The following FMNL2 variants were observed in gnomAD, a reference collection of about 807,000 sequenced individuals.
FMNL2 encodes formin-like protein 2.
FMNL2 carries 51 observed loss-of-function variants against 130.2 expected under a neutral mutation model. The ratio of observed to expected loss-of-function variants is 0.39; its 90% CI spans 0.31 to 0.49. The LOEUF (loss-of-function observed/expected upper bound fraction) is 0.49, where lower values mean the gene tolerates loss of function less well. Among genes scored for constraint, FMNL2 ranks in the 20% least tolerant of loss-of-function variants. FMNL2 has a pLI of 0.85. For synonymous variants in FMNL2, 465 were observed against 467.1 expected (o/e 1.00, Z 0.06); for missense variants, 977 against 1,316.2 (o/e 0.74, Z 3.99).
chr2:152,646,833 T>C (rs1358176331), intron 25 of FMNL2, among the ~76,000 whole-genome samples: 2 of 152,260 alleles, frequency 1.3e-5, no homozygotes, highest in African/African-American at 4.8e-5. Flanking sequence ...TTTTTCACTA[T>C]GCCCTGACTT....
In FMNL2 at chr2:152,561,000, C is replaced by T; in HGVS notation, c.561C>T (p.Asn187=). 1 of 1,603,506 alleles carries T rather than the reference C, an allele frequency of 6.2e-7. No individual in the cohort carries two copies. The highest frequency in any genetic ancestry group is 8.5e-7 in the Non-Finnish European group (1 of 1,174,840). Residue 187 remains asparagine (N), a synonymous_variant, in exon 6 of 26, where the codon AAC becomes AAT. Coordinates refer to ENST00000288670, the MANE Select transcript of FMNL2 (RefSeq NM_052905.4). Reference sequence around the variant, plus strand: ...GCAACCTGCCCTCACCTGTGGGCAACAGTGTCTCCCGCTCTGGAAGACATT... The same window carrying T: ...GCAACCTGCCCTCACCTGTGGGCAATAGTGTCTCCCGCTCTGGAAGACATT... ...RGSNLPSPVG[N]SVSRSGRHSA... is the part of the protein sequence containing the mutation.
At chr2:152,646,299 G>C (rs727603) in intron 25 of FMNL2, among the ~76,000 whole-genome samples, 141,896 of 152,012 alleles carry the variant, frequency 0.93, 66,302 homozygotes, top group Middle Eastern at 0.97. Context: ...CACTACACTC[G>C]AGCCTCAGTG....
intron 1 of FMNL2, among the ~76,000 whole-genome samples, chr2:152,418,279 A>G (rs1483607639): frequency 6.7e-6 from 1 of 149,386 alleles, no homozygotes; most frequent in Non-Finnish European, 1.5e-5. Flanking sequence ...TTTAATTTTT[A>G]TTTTTTGCTG....
chr2:152,608,371 A>T (rs1395312872), intron 10 of FMNL2, among the ~76,000 whole-genome samples: 10 of 13,770 alleles, frequency 7.3e-4, no homozygotes, highest in African/African-American at 1.4e-3. Context: ...AAAAAAAAAA[A>T]GAAAAAAAAA....
At chr2:152,426,415 C>CT (rs1311066331) in intron 1 of FMNL2, among the ~76,000 whole-genome samples, 3 of 152,228 alleles carry the variant, frequency 2.0e-5, no homozygotes, top group Non-Finnish European at 4.4e-5. Flanking sequence ...TGTTTTATCA[C>CT]TTGCTTAGAG....
At chr2:152,503,956 G>A (rs915398488) in intron 1 of FMNL2, among the ~76,000 whole-genome samples, 18 of 152,172 alleles carry the variant, frequency 1.2e-4, no homozygotes, top group African/African-American at 3.6e-4. Flanking sequence ...TTGGGAGGCC[G>A]AGGCGGGTGG....
In FMNL2 at chr2:152,628,401, G is replaced by A. The variant is rs780013779; in HGVS notation, c.2268G>A (p.Arg756=). ...TGCTTCGGCTCTACGAGCGGGAAAG[G>A]AAGCCTCTGGAAAACTTGTCAGATG... ...VKVLRLYERE[R]KPLENLSDED... The change falls in exon 18 of 26, where the codon AGG becomes AGA. Residue 756 remains arginine (R), a synonymous_variant. Transcript: ENST00000288670. 9 of 1,613,922 alleles carry A rather than the reference G, an allele frequency of 5.6e-6. No homozygotes were observed. The Admixed American group carries it at 6.7e-5, about 12-fold the overall frequency.
At chr2:152,590,026 TAC>T (rs1697341605) in intron 9 of FMNL2, among the ~76,000 whole-genome samples, 2 of 138,056 alleles carry the variant, frequency 1.4e-5, no homozygotes, top group African/African-American at 2.7e-5. Context: ...CATATATATA[TAC>T]ATATACATAC....
chr2:152,360,597 C>A (rs902902640), intron 1 of FMNL2, among the ~76,000 whole-genome samples: 1 of 152,140 alleles, frequency 6.6e-6, no homozygotes, highest in East Asian at 1.9e-4. Flanking sequence ...TAAGATTATT[C>A]TTTGAATAAT....
chr2:152,645,665 A>C (rs1683487965), intron 25 of FMNL2: 1 of 424,120 alleles, frequency 2.4e-6, no homozygotes, highest in Non-Finnish European at 4.2e-6. Context: ...GCAGGGATTG[A>C]GCCTCTCTGT....
chr2:152,615,035 A>C, intron 12 of FMNL2, 35 bp downstream of exon 12: 2 of 1,599,772 alleles, frequency 1.3e-6, no homozygotes, highest in Non-Finnish European at 1.7e-6. Flanking sequence ...AATTGCTTAC[A>C]TTTCAGCTGG....
chr2:152,419,225 T>C (rs1287161610), intron 1 of FMNL2, among the ~76,000 whole-genome samples: 1 of 152,214 alleles, frequency 6.6e-6, no homozygotes, highest in East Asian at 1.9e-4. Context: ...GATGTAATGA[T>C]GTTTGAACTC....
chr2:152,425,859 C>T (rs1321559097), intron 1 of FMNL2, among the ~76,000 whole-genome samples: 1 of 152,176 alleles, frequency 6.6e-6, no homozygotes, highest in Non-Finnish European at 1.5e-5. Flanking sequence ...TTCCCCCATC[C>T]CATCTCTCTG....
At chr2:152,450,248 CT>C (rs1411119168) in intron 1 of FMNL2, among the ~76,000 whole-genome samples, 1 of 151,954 alleles carries the variant, frequency 6.6e-6, no homozygotes, top group Non-Finnish European at 1.5e-5. Flanking sequence ...TTTTTCTTTG[CT>C]TTACATTAAT....
At chr2:152,420,490 C>T (rs1579622097) in intron 1 of FMNL2, among the ~76,000 whole-genome samples, 1 of 152,146 alleles carries the variant, frequency 6.6e-6, no homozygotes, top group African/African-American at 2.4e-5. Context: ...TCTGAAAGTA[C>T]TGGCTTTAAT....
intron 1 of FMNL2, among the ~76,000 whole-genome samples, chr2:152,417,008 G>C (rs1343299297): frequency 6.6e-6 from 1 of 152,162 alleles, no homozygotes; most frequent in Non-Finnish European, 1.5e-5. Context: ...TGAATTTGTA[G>C]ATCTGGATAG....
chr2:152,370,797 A>C (rs1333373157), intron 1 of FMNL2, among the ~76,000 whole-genome samples: 1 of 152,242 alleles, frequency 6.6e-6, no homozygotes, highest in Non-Finnish European at 1.5e-5. Flanking sequence ...GTAAACAATA[A>C]CAAACTACTG....
At chr2:152,621,230 T>A in intron 15 of FMNL2, 1 of 759,136 alleles carries the variant, frequency 1.3e-6, no homozygotes, top group Non-Finnish European at 1.6e-6. Flanking sequence ...TTCCTTTGTC[T>A]CTGACAAACG....
chr2:152,344,310 A>G (rs2105744461), intron 1 of FMNL2, among the ~76,000 whole-genome samples: 1 of 152,274 alleles, frequency 6.6e-6, no homozygotes, highest in Non-Finnish European at 1.5e-5. Flanking sequence ...ACTGTGCTAG[A>G]TGTTTTCCCC....
Sources: allele counts gnomAD v4.1 joint callset (sites outside exome capture counted in the v4.1 genomes callset), GRCh38; gene constraint gnomAD v4.1.1; transcripts MANE v1.5; gene names NCBI Gene and HGNC (gene_info 2026-07-23, HGNC 2026-07-21).